Variants in MSRA observed in about 807,000 individuals in gnomAD.
MSRA encodes mitochondrial peptide methionine sulfoxide reductase.
In MSRA, 54 loss-of-function variants were observed where a neutral mutation model predicts 31.3. The observed-to-expected ratio is 1.73, with a 90% CI of 1.39 to 2.17. MSRA has a LOEUF of 2.17. Among genes scored for constraint, MSRA ranks in the 30% most tolerant of loss-of-function variants. MSRA has a pLI of 0.00. For synonymous variants in MSRA, 169 were observed against 116.5 expected (o/e 1.45, Z -2.90); for missense variants, 507 against 300.9 (o/e 1.69, Z -5.07).
At chr8:10,070,403 C>A (rs552529782) in intron 1 of MSRA, among the ~76,000 whole-genome samples, 1 of 152,212 alleles carries the variant, frequency 6.6e-6, no homozygotes, top group South Asian at 2.1e-4. Flanking sequence ...CCAAGTGTGA[C>A]CTGCTATTTT....
chr8:10,199,432 G>T (rs1483869779), intron 1 of MSRA, among the ~76,000 whole-genome samples: 1 of 152,198 alleles, frequency 6.6e-6, no homozygotes, highest in African/African-American at 2.4e-5. Context: ...TGATTCTCCT[G>T]CCTCAGCCTC....
At chr8:10,316,228 CT>C (rs66741514) in intron 4 of MSRA, among the ~76,000 whole-genome samples, 2,220 of 146,668 alleles carry the variant, frequency 0.015, 31 homozygotes, top group African/African-American at 0.046. Flanking sequence ...TATATTCCAC[CT>C]TTTTTTTTTT....
At chr8:10,369,825 T>C (rs959389241) in intron 5 of MSRA, among the ~76,000 whole-genome samples, 2 of 152,316 alleles carry the variant, frequency 1.3e-5, no homozygotes, top group African/African-American at 4.8e-5. Context: ...CATATGAGAA[T>C]TATTCATCAG....
intron 1 of MSRA, among the ~76,000 whole-genome samples, chr8:10,169,165 C>A (rs1193066602): frequency 6.6e-6 from 1 of 152,188 alleles, no homozygotes; most frequent in Non-Finnish European, 1.5e-5. Flanking sequence ...GGGGCAGACT[C>A]CTGATCTGTG....
chr8:10,128,380 C>CAA (rs546837619), intron 1 of MSRA, among the ~76,000 whole-genome samples: 1 of 133,368 alleles, frequency 7.5e-6, no homozygotes, highest in South Asian at 2.4e-4. Flanking sequence ...ACTCTTGTCT[C>CAA]AAAAAAAAAA....
intron 5 of MSRA, among the ~76,000 whole-genome samples, chr8:10,392,060 G>C (rs1011306421): frequency 3.9e-5 from 6 of 152,274 alleles, no homozygotes; most frequent in South Asian, 2.1e-4. Flanking sequence ...GGAAGGTTTG[G>C]TGGACCTCAG....
chr8:10,392,683 T>C (rs1415858733), intron 5 of MSRA, among the ~76,000 whole-genome samples: 3 of 147,256 alleles, frequency 2.0e-5, no homozygotes, highest in African/African-American at 7.5e-5. Flanking sequence ...CTCGGCCCTT[T>C]TTTTTTTTTT....
At chr8:10,067,706 G>A (rs1316547210) in intron 1 of MSRA, among the ~76,000 whole-genome samples, 3 of 152,082 alleles carry the variant, frequency 2.0e-5, no homozygotes, top group Non-Finnish European at 4.4e-5. Context: ...TTGGATTTTA[G>A]CTATTCCACA....
At chr8:10,260,300 C>T (rs1353519947) in intron 3 of MSRA, among the ~76,000 whole-genome samples, 4 of 152,126 alleles carry the variant, frequency 2.6e-5, no homozygotes, top group Non-Finnish European at 5.9e-5. Flanking sequence ...ACCACCACGC[C>T]TGGCCAGTGA....
At chr8:10,150,895 C>G (rs994016732) in intron 1 of MSRA, among the ~76,000 whole-genome samples, 2 of 152,124 alleles carry the variant, frequency 1.3e-5, no homozygotes, top group African/African-American at 4.8e-5. Context: ...ACAGGGATCT[C>G]TCATTTTATA....
intron 1 of MSRA, among the ~76,000 whole-genome samples, chr8:10,151,110 C>T (rs1803625923): frequency 6.6e-6 from 1 of 151,504 alleles, no homozygotes; most frequent in Non-Finnish European, 1.5e-5. Context: ...GAGGGAGGAT[C>T]CATGCCTACT....
At chr8:10,144,002 C>T (rs1027765099) in intron 1 of MSRA, among the ~76,000 whole-genome samples, 4 of 152,096 alleles carry the variant, frequency 2.6e-5, no homozygotes, top group African/African-American at 7.2e-5. Flanking sequence ...ATCACAGAGC[C>T]TCGTGAGGCT....
intron 3 of MSRA, among the ~76,000 whole-genome samples, chr8:10,270,655 A>G (rs1798985611): frequency 6.6e-6 from 1 of 152,192 alleles, no homozygotes; most frequent in South Asian, 2.1e-4. Flanking sequence ...GGAGAGGGGA[A>G]TTAAGTGTTA....
intron 5 of MSRA, among the ~76,000 whole-genome samples, chr8:10,371,604 A>G (rs927764242): frequency 6.6e-6 from 1 of 152,164 alleles, no homozygotes; most frequent in East Asian, 1.9e-4. Flanking sequence ...TGGATCCCTT[A>G]GCATGGCATG....
intron 2 of MSRA, among the ~76,000 whole-genome samples, chr8:10,236,599 C>A (rs538260054): frequency 6.6e-6 from 1 of 152,196 alleles, no homozygotes; most frequent in Admixed American, 6.5e-5. Context: ...AGCTAGAGTG[C>A]AGTGGTGGAA....
intron 2 of MSRA, among the ~76,000 whole-genome samples, chr8:10,242,479 C>G (rs1177690433): frequency 2.0e-5 from 3 of 152,112 alleles, no homozygotes; most frequent in Admixed American, 2.0e-4. Flanking sequence ...AGATGGCAAA[C>G]TTCTGATTCT....
At chr8:10,319,535 A>C (rs1801922391) in intron 4 of MSRA, among the ~76,000 whole-genome samples, 1 of 152,020 alleles carries the variant, frequency 6.6e-6, no homozygotes, top group East Asian at 1.9e-4. Context: ...ACCCAAGGAA[A>C]TAATATGTAT....
Position 10,081,219 on chromosome 8 carries a change from C to A in MSRA, c.142+26561C>A, listed in dbSNP as rs145433882. On this transcript the variant is annotated intron_variant, in intron 1 of 5. Coordinates refer to ENST00000317173, the MANE Select transcript of MSRA (RefSeq NM_012331.5). ...GCGGATGGGGCAGTGGCTGATTCCA[C>A]GTGGAGGGGCCTGCTCTGAGGCTGC... 2.6e-5 allele frequency among the ~76,000 whole-genome samples: 4 copies of A among 152,290 alleles called. No individual in the cohort carries two copies. In the East Asian group the frequency reaches 7.7e-4, roughly 29 times the overall value.
intron 5 of MSRA, among the ~76,000 whole-genome samples, chr8:10,399,064 A>G (rs1192848253): frequency 6.6e-6 from 1 of 152,218 alleles, no homozygotes; most frequent in Non-Finnish European, 1.5e-5. Context: ...AGAGGACAGG[A>G]GCAGCTGCCT....
Sources: gnomAD v4.1 joint callset for allele counts (sites outside exome capture counted in the v4.1 genomes callset) on GRCh38, gnomAD v4.1.1 for gene constraint, MANE v1.5 for transcripts, NCBI Gene and HGNC (gene_info 2026-07-23, HGNC 2026-07-21) for gene names.